Variants in SUFU observed in about 807,000 individuals in gnomAD.
SUFU encodes the protein SUFU negative regulator of hedgehog signaling, also known as suppressor of fused homolog.
SUFU carries 7 observed loss-of-function variants against 58.9 expected under a neutral mutation model. The ratio of observed to expected loss-of-function variants is 0.12; its 90% CI spans 0.07 to 0.22. The LOEUF (loss-of-function observed/expected upper bound fraction) is 0.22. Among genes scored for constraint, SUFU ranks in the 10% least tolerant of loss-of-function variants. The pLI is 1.00. For missense variants in SUFU, 451 were observed against 641.3 expected (o/e 0.70, Z 3.20); for synonymous variants, 232 against 254.8 (o/e 0.91, Z 0.85).
At chr10:102,604,250 C>T (rs1215240380) in intron 8 of SUFU, among the ~76,000 whole-genome samples, 2 of 152,246 alleles carry the variant, frequency 1.3e-5, no homozygotes, top group African/African-American at 2.4e-5. Flanking sequence ...CTGCTCCCTG[C>T]GTCCTGGACA....
In SUFU at chr10:102,531,034, T is replaced by C. The variant is rs372371737; in HGVS notation, c.318-18936T>C. On this transcript the variant is annotated intron_variant, in intron 2 of 11. Transcript: ENST00000369902. ...AGGAGGATTGCTTGAGCCCAGAAGT[T>C]TGAGACCAGTCCAGGCAACATAGCA... Among the ~76,000 whole-genome samples, 14 of 149,738 alleles carry C rather than the reference T, an allele frequency of 9.3e-5. No homozygotes were observed. In the East Asian group the frequency reaches 2.0e-3, roughly 21 times the overall value.
At chr10:102,555,617 G>T (rs1423020641) in intron 3 of SUFU, among the ~76,000 whole-genome samples, 2 of 152,134 alleles carry the variant, frequency 1.3e-5, no homozygotes, top group African/African-American at 4.8e-5. Context: ...TTCTAAGTCC[G>T]GTAGAGCCTA....
Position 102,619,109 on chromosome 10 carries a change from T to C in SUFU, c.1296+1681T>C. 5.0e-6 allele frequency: 8 copies of C among 1,612,760 alleles called. No individual in the cohort carries two copies. Among genetic ancestry groups the C allele is most frequent in the Non-Finnish European group, 6.8e-6 (8 of 1,179,846 alleles). On this transcript the variant is annotated intron_variant, in intron 10 of 11. Transcript: ENST00000369902. The surrounding 1 kb of genome is among the most constrained non-coding windows in gnomAD (Gnocchi z 4.2). ...AGCTCTGCCCTCCCGTCCTGGAACGTCTTTCTGCCCTGAGGAGAGGGTAGT... is the reference window on the plus strand; with the variant it reads ...AGCTCTGCCCTCCCGTCCTGGAACGCCTTTCTGCCCTGAGGAGAGGGTAGT...
rs768935165 is a variant in SUFU, at chr10:102,504,190, C to G, written c.38C>G (p.Thr13Ser). The change falls in exon 1 of 12, where the codon ACC becomes AGC. Residue 13 changes from threonine to serine, a missense_variant. By Grantham distance (58) the Thr-to-Ser change is moderately conservative. Transcript: ENST00000369902. Reference sequence around the variant, plus strand: ...CGGCCTAGCGGCGCCCCCGGCCCCACCGCGCCCCCGGCCCCTGGCCCGACT... The same window carrying G: ...CGGCCTAGCGGCGCCCCCGGCCCCAGCGCGCCCCCGGCCCCTGGCCCGACT... ...ELRPSGAPGPTAPPAPGPTAP... is the reference protein window; with the variant it reads ...ELRPSGAPGPSAPPAPGPTAP... The G allele has an allele frequency of 4.5e-6, 7 of 1,540,912 alleles. No individual in the cohort carries two copies. The highest frequency in any genetic ancestry group is 6.1e-6 in the Non-Finnish European group (7 of 1,143,910).
At chr10:102,524,976 T>C (rs1008755868) in intron 2 of SUFU, among the ~76,000 whole-genome samples, 1 of 152,264 alleles carries the variant, frequency 6.6e-6, no homozygotes. Flanking sequence ...AGAGCACTTC[T>C]TCAGTTTGGA....
chr10:102,541,645 T>C (rs1331323943), intron 2 of SUFU, among the ~76,000 whole-genome samples: 1 of 147,754 alleles, frequency 6.8e-6, no homozygotes, highest in Non-Finnish European at 1.5e-5. Context: ...GTGATCTGCC[T>C]GCCTCGGCCT....
intron 3 of SUFU, among the ~76,000 whole-genome samples, chr10:102,579,673 C>T (rs1306338973): frequency 6.6e-6 from 1 of 152,204 alleles, no homozygotes; most frequent in Admixed American, 6.5e-5. Context: ...TTTGCAAGAG[C>T]AAATATGTCT....
chr10:102,526,876 AAAG>A (rs1349455245), intron 2 of SUFU, among the ~76,000 whole-genome samples: 1 of 152,318 alleles, frequency 6.6e-6, no homozygotes, highest in East Asian at 1.9e-4. Flanking sequence ...TAAGGAAAAG[AAAG>A]AAGGCCAGTG....
chr10:102,521,265 C>A (rs2062548373), intron 2 of SUFU, among the ~76,000 whole-genome samples: 1 of 152,160 alleles, frequency 6.6e-6, no homozygotes, highest in Admixed American at 6.6e-5. Flanking sequence ...ATCTGTATAT[C>A]TTCTTTGGTG....
intron 3 of SUFU, among the ~76,000 whole-genome samples, chr10:102,568,917 TATACAC>T (rs1422344342): frequency 0.078 from 683 of 8,702 alleles, 4 homozygotes; most frequent in Non-Finnish European, 0.095. Flanking sequence ...TATATATATA[TATACAC>T]ATATATATAT....
At position 102,628,945 on chromosome 10, in the gene SUFU, C is replaced by G. The variant is rs1366064563; in HGVS notation, c.1366-1121C>G. Among the ~76,000 whole-genome samples, 1 of 152,082 alleles carries G rather than the reference C, an allele frequency of 6.6e-6. No individual in the cohort carries two copies. The highest frequency in any genetic ancestry group is 6.5e-5 in the Admixed American group (1 of 15,276). On this transcript the variant is annotated intron_variant, in intron 11 of 11. Coordinates refer to ENST00000369902, the MANE Select transcript of SUFU (RefSeq NM_016169.4). The surrounding 1 kb of genome is among the most constrained non-coding windows in gnomAD (Gnocchi z 4.5). The stretch of plus-strand genomic sequence containing the variant: ...CCGAGGCAGGTGGATCACCTGAGGT[C>G]GGGAATTTGAGACCAGCCTGACCAA...
In SUFU at chr10:102,625,747, C is replaced by T. The variant is rs1169003642; in HGVS notation, c.1297-1428C>T. Among the ~76,000 whole-genome samples, 1 of 152,166 alleles carries T rather than the reference C, an allele frequency of 6.6e-6. No homozygotes were observed. Among genetic ancestry groups the T allele is most frequent in the Non-Finnish European group, 1.5e-5 (1 of 68,032 alleles). ...GCCCGGTATGATGGCGGCTTTTCTG[C>T]TCACTTGGGGGTAGTGTTCTTATTT... On this transcript the variant is annotated intron_variant, in intron 10 of 11. Transcript: ENST00000369902. This position sits in a 1 kb window ranked among gnomAD's most constrained non-coding sequence, Gnocchi z 4.7.
intron 8 of SUFU, among the ~76,000 whole-genome samples, chr10:102,610,392 C>CAAAAAGA (rs2063610163): frequency 8.1e-6 from 1 of 124,066 alleles, no homozygotes; most frequent in Admixed American, 8.7e-5. Context: ...GACTCTGTCT[C>CAAAAAGA]AAAAAAAAAA....
chr10:102,597,091 G>T, intron 6 of SUFU, 49 bp from the exon 7 acceptor site: 1 of 1,613,078 alleles, frequency 6.2e-7, no homozygotes. Flanking sequence ...GTCACCTTGG[G>T]TCACCAGTTC....
chr10:102,569,138 A>G (rs76140648), intron 3 of SUFU, among the ~76,000 whole-genome samples: 2,433 of 151,552 alleles, frequency 0.016, 26 homozygotes, highest in Non-Finnish European at 0.025. Context: ...ACTGCGTCCA[A>G]TTATCTCAGG....
At chr10:102,510,780 GCCA>G (rs2062391372) in intron 2 of SUFU, among the ~76,000 whole-genome samples, 1 of 152,066 alleles carries the variant, frequency 6.6e-6, no homozygotes, top group Non-Finnish European at 1.5e-5. Flanking sequence ...CTGAGATCGT[GCCA>G]CTGTGCTCCA....
chr10:102,536,347 T>C (rs1019797325), intron 2 of SUFU, among the ~76,000 whole-genome samples: 1 of 146,784 alleles, frequency 6.8e-6, no homozygotes, highest in Non-Finnish European at 1.5e-5. Flanking sequence ...TAGTAGCCAC[T>C]ATAATAATTT....
intron 1 of SUFU, among the ~76,000 whole-genome samples, chr10:102,505,054 G>A (rs1589971180): frequency 2.6e-5 from 4 of 152,160 alleles, no homozygotes; most frequent in Admixed American, 2.6e-4. Context: ...AGGGCATTAG[G>A]TAGAGAGAAC....
intron 10 of SUFU, among the ~76,000 whole-genome samples, chr10:102,622,110 G>T (rs1219756022): frequency 6.6e-6 from 1 of 152,162 alleles, no homozygotes; most frequent in Non-Finnish European, 1.5e-5. Context: ...TAGATTCCAA[G>T]CCCCCCTCCC....
Sources: gnomAD v4.1 joint callset for allele counts (sites outside exome capture counted in the v4.1 genomes callset) on GRCh38, gnomAD v4.1.1 for gene constraint, Gnocchi (gnomAD v3.1) non-coding constraint, MANE v1.5 for transcripts, NCBI Gene and HGNC (gene_info 2026-07-23, HGNC 2026-07-21) for gene names.